Variants in TBXAS1 observed in about 807,000 individuals in gnomAD.
The protein encoded by TBXAS1 is thromboxane A synthase 1, also known as thromboxane-A synthase.
TBXAS1 carries 48 observed loss-of-function variants against 60.7 expected under a neutral mutation model. That is an observed-to-expected ratio of 0.79 (90% CI 0.63 to 1.01). The LOEUF (loss-of-function observed/expected upper bound fraction) is 1.01, where lower values mean the gene tolerates loss of function less well. Ranked by LOEUF, TBXAS1 falls within the 50% of genes least tolerant of loss-of-function variation. The probability of loss-of-function intolerance (pLI) is 0.00; values close to 1 mark genes in which losing one functional copy is unlikely to be tolerated. For missense variants in TBXAS1, 685 were observed against 686.3 expected (o/e 1.00, Z 0.02); for synonymous variants, 287 against 269.7 (o/e 1.06, Z -0.63).
At chr7:139,824,833 T>C (rs1224690569), upstream of TBXAS1, among the ~76,000 whole-genome samples, 2 of 138,800 alleles carry the variant, frequency 1.4e-5, no homozygotes, top group East Asian at 2.1e-4. Flanking sequence ...CCTTTTCTTT[T>C]TTTTTTTTTT....
rs10591254 is a variant in TBXAS1, at chr7:140,013,084, CAAAAAAA to C, written c.1227-2628_1227-2622del. On this transcript the variant is annotated intron_variant, in intron 10 of 12. Coordinates refer to ENST00000448866, the MANE Select transcript of TBXAS1 (RefSeq NM_001061.7). This position sits in a 1 kb window ranked among gnomAD's most constrained non-coding sequence, Gnocchi z 4.2. ...TGGGCAACAGAGCGAGACTCCATCT[CAAAAAAA>C]AAAAAAAAAAGAAATTGGGGCAAGA... Among the ~76,000 whole-genome samples, 2 of 114,574 alleles carry C rather than the reference CAAAAAAA, an allele frequency of 1.7e-5. No individual in the cohort carries two copies. Among genetic ancestry groups the C allele is most frequent in the African/African-American group, 2.9e-5 (1 of 34,484 alleles). The allele number at this position is 114,574 out of a possible 152,430, so 75.2% of individuals were successfully genotyped here.
chr7:139,967,864 C>T (rs1810908379), intron 9 of TBXAS1, among the ~76,000 whole-genome samples: 1 of 152,218 alleles, frequency 6.6e-6, no homozygotes, highest in Non-Finnish European at 1.5e-5. Flanking sequence ...GTTATGTGAT[C>T]ATGTTCACCT....
intron 9 of TBXAS1, among the ~76,000 whole-genome samples, chr7:139,964,096 T>C (rs906326127): frequency 6.6e-6 from 1 of 152,182 alleles, no homozygotes; most frequent in Admixed American, 6.5e-5. Flanking sequence ...TTTTTTATTT[T>C]TTTTTTGAGA....
chr7:139,928,492 A>C (rs1160021026), intron 4 of TBXAS1, among the ~76,000 whole-genome samples: 1 of 152,230 alleles, frequency 6.6e-6, no homozygotes, highest in Non-Finnish European at 1.5e-5. Context: ...GATGATCCAG[A>C]TTAATGTTAA....
At position 139,778,585 on chromosome 7, in the gene TBXAS1, C is replaced by G. The variant is rs1005034334; in HGVS notation, c.-318+114C>G. 6.6e-6 allele frequency: 1 copy of G among 152,328 alleles called. No individual in the cohort carries two copies. The highest frequency in any genetic ancestry group is 1.5e-5 in the Non-Finnish European group (1 of 68,100). 9.4% of individuals were successfully genotyped at this position (152,328 alleles called of 1,614,324 possible). A position where few individuals can be genotyped will look rare whatever the true frequency, so the allele number is the denominator to read the frequency against. ...GAGGTCAGAGGCACCGAAGCCCTGC[C>G]GTGCACGCCGCGGAAATGCAGCCCC... On this transcript the variant is annotated intron_variant, in intron 1 of 16. Coordinates refer to the TBXAS1 transcript ENST00000336425. The surrounding 1 kb of genome is among the most constrained non-coding windows in gnomAD (Gnocchi z 4.8).
intron 3 of TBXAS1, chr7:139,906,019 C>T: frequency 1.7e-5 from 4 of 239,130 alleles, no homozygotes; most frequent in Admixed American, 5.6e-5. Context: ...TCATTTTTTG[C>T]ATAAGGTATG....
At chr7:139,826,037 C>A (rs982403998), upstream of TBXAS1, among the ~76,000 whole-genome samples, 2 of 152,026 alleles carry the variant, frequency 1.3e-5, no homozygotes, top group African/African-American at 4.8e-5. Context: ...TTTTTCTGAG[C>A]ATCTTGGTTA....
rs1168799784 is a variant in TBXAS1 at position 139,875,630 on chromosome 7, CT to C, written c.230del (p.Leu77ArgfsTer19). 6.2e-7 allele frequency: 1 copy of C among 1,612,320 alleles called. No individual in the cohort carries two copies. Among genetic ancestry groups the C allele is most frequent in the African/African-American group, 1.4e-5 (1 of 73,250 alleles). ...GGAGCTCAGAAAGCTGTATGGACCT[CT>C]GTGTGGGTAAGAAGGAAACTCAACG... ...QMELRKLYGP[L>X]CGYYLGRRMF... On this transcript the variant is annotated frameshift_variant, in exon 3 of 13. Coordinates refer to ENST00000448866, the MANE Select transcript of TBXAS1 (RefSeq NM_001061.7). LOFTEE classifies it high-confidence loss of function.
At chr7:139,923,050 CACGGTGGCTA>C (rs1806598192) in intron 4 of TBXAS1, among the ~76,000 whole-genome samples, 2 of 152,312 alleles carry the variant, frequency 1.3e-5, no homozygotes, top group South Asian at 4.1e-4. Context: ...TGTGGCCAGG[CACGGTGGCTA>C]ACGCCTATAA....
At chr7:139,796,536 A>G (rs1248196952) in intron 4 of TBXAS1, among the ~76,000 whole-genome samples, 1 of 152,228 alleles carries the variant, frequency 6.6e-6, no homozygotes, top group African/African-American at 2.4e-5. Flanking sequence ...CAGTGAAACT[A>G]TCCTGTCTGG....
intron 5 of TBXAS1, among the ~76,000 whole-genome samples, chr7:139,946,514 A>G (rs1482291621): frequency 6.6e-6 from 1 of 152,218 alleles, no homozygotes; most frequent in Non-Finnish European, 1.5e-5. Flanking sequence ...CTGAACTAGG[A>G]GGTGACTGAG....
rs976405238 is a variant in TBXAS1, at chr7:139,896,265, G to A, written c.237-14960G>A. On this transcript the variant is annotated intron_variant, in intron 3 of 12. Coordinates refer to ENST00000448866, the MANE Select transcript of TBXAS1 (RefSeq NM_001061.7). This position sits in a 1 kb window ranked among gnomAD's most constrained non-coding sequence, Gnocchi z 4.0. Reference sequence around the variant, plus strand: ...GTAGAGGAAAGGACCAGGTGCCACAGAAACTACAAGGAGCGAAGGGTCCAT... The same window carrying A: ...GTAGAGGAAAGGACCAGGTGCCACAAAAACTACAAGGAGCGAAGGGTCCAT... Among the ~76,000 whole-genome samples the A allele has an allele frequency of 6.6e-6, 1 of 152,158 alleles. No individual in the cohort carries two copies. Among genetic ancestry groups the A allele is most frequent in the African/African-American group, 2.4e-5 (1 of 41,440 alleles).
intron 4 of TBXAS1, among the ~76,000 whole-genome samples, chr7:139,911,723 A>T (rs555228391): frequency 3.9e-5 from 6 of 152,350 alleles, no homozygotes; most frequent in African/African-American, 1.2e-4. Context: ...TTTCCCAGAA[A>T]GTATAAGAGT....
At chr7:139,943,393 G>A (rs1340754627) in intron 5 of TBXAS1, among the ~76,000 whole-genome samples, 1 of 152,088 alleles carries the variant, frequency 6.6e-6, no homozygotes, top group Non-Finnish European at 1.5e-5. Context: ...CTATCATGAT[G>A]GACTGTTTAA....
At chr7:139,828,739 A>G (rs781227747), upstream of TBXAS1, among the ~76,000 whole-genome samples, 5 of 152,184 alleles carry the variant, frequency 3.3e-5, no homozygotes, top group Admixed American at 6.5e-5. Context: ...CCAACTCACC[A>G]TGAGAACACT....
At chr7:139,913,147 T>A in intron 4 of TBXAS1, 1 of 702,806 alleles carries the variant, frequency 1.4e-6, no homozygotes, top group Non-Finnish European at 2.6e-6. Flanking sequence ...GCCTGCTACC[T>A]CCATCCCTTC....
intron 9 of TBXAS1, among the ~76,000 whole-genome samples, chr7:140,000,054 T>G (rs1282471290): frequency 6.6e-6 from 1 of 151,992 alleles, no homozygotes; most frequent in Admixed American, 6.5e-5. Flanking sequence ...GTGTCTAGCT[T>G]TCAGAGAAAA....
intron 1 of TBXAS1, among the ~76,000 whole-genome samples, chr7:139,857,259 A>G (rs1424391417): frequency 6.6e-6 from 1 of 152,214 alleles, no homozygotes; most frequent in Non-Finnish European, 1.5e-5. Flanking sequence ...ACCAGATACA[A>G]GAGGCTGCTT....
chr7:139,874,854 G>GGA (rs544413733), intron 2 of TBXAS1, among the ~76,000 whole-genome samples: 1 of 152,188 alleles, frequency 6.6e-6, no homozygotes, highest in Non-Finnish European at 1.5e-5. Context: ...CAGCACTTTG[G>GGA]GAGGCCAAGG....
Sources: gnomAD v4.1 joint callset for allele counts (sites outside exome capture counted in the v4.1 genomes callset) on GRCh38, gnomAD v4.1.1 for gene constraint, Gnocchi (gnomAD v3.1) non-coding constraint, MANE v1.5 for transcripts, NCBI Gene and HGNC (gene_info 2026-07-23, HGNC 2026-07-21) for gene names.